AK3: variants seen among roughly 807,000 people sequenced by gnomAD.
AK3 encodes the protein adenylate kinase 3.
A neutral mutation model predicts 23.7 loss-of-function variants in AK3; 27 were observed. That is an observed-to-expected ratio of 1.14 (90% confidence interval 0.84 to 1.57). The LOEUF is 1.57. Ranked by LOEUF, AK3 falls within the 40% of genes most tolerant of loss-of-function variation. The probability of loss-of-function intolerance (pLI) is 0.00; values close to 1 mark genes in which losing one functional copy is unlikely to be tolerated. For missense variants in AK3, 406 were observed against 285.6 expected (o/e 1.42, Z -3.04); for synonymous variants, 159 against 116.0 (o/e 1.37, Z -2.38).
intron 1 of AK3, among the ~76,000 whole-genome samples, chr9:4,733,157 T>C (rs1842194027): frequency 1.3e-5 from 2 of 152,086 alleles, no homozygotes; most frequent in Non-Finnish European, 2.9e-5. Flanking sequence ...AGCAGTTCTC[T>C]TTCACATGTG....
At position 4,712,260 on chromosome 9, in the gene AK3, T is replaced by A. The variant is rs1356950958; in HGVS notation, c.*716A>T. ...GTGCTTGTAAAAGCACTTATGTCAA[T>A]TTTTGACACAAATCATAACCCTCAG... On this transcript the variant is annotated 3_prime_UTR_variant, in exon 5 of 5. Transcript: ENST00000381809. 6.6e-6 allele frequency: 1 copy of A among 152,188 alleles called. No homozygotes were observed. Among genetic ancestry groups the A allele is most frequent in the African/African-American group, 2.4e-5 (1 of 41,460 alleles). The allele number at this position is 152,188 out of a possible 1,614,324, so 9.4% of individuals were successfully genotyped here.
At chr9:4,725,861 G>A (rs550154437) in intron 1 of AK3, among the ~76,000 whole-genome samples, 3 of 152,074 alleles carry the variant, frequency 2.0e-5, no homozygotes, top group Non-Finnish European at 2.9e-5. Flanking sequence ...AAAACCACAA[G>A]GAGATACTAC....
intron 1 of AK3, among the ~76,000 whole-genome samples, chr9:4,732,035 G>A (rs1042293279): frequency 6.6e-6 from 1 of 152,036 alleles, no homozygotes; most frequent in African/African-American, 2.4e-5. Context: ...CTGCAGCCTC[G>A]ACGTGCTGGG....
chr9:4,734,901 A>G (rs1842234122), intron 1 of AK3, among the ~76,000 whole-genome samples: 2 of 152,194 alleles, frequency 1.3e-5, no homozygotes, highest in Non-Finnish European at 2.9e-5. Flanking sequence ...CCAGTCAGAA[A>G]AGACCACATA....
At chr9:4,721,955 G>A (rs532466458) in intron 2 of AK3, among the ~76,000 whole-genome samples, 15 of 152,340 alleles carry the variant, frequency 9.8e-5, no homozygotes, top group Non-Finnish European at 1.5e-4. Flanking sequence ...GCCTGTGTGC[G>A]AAGGTGGGTG....
At chr9:4,738,841 G>A (rs1420999022) in intron 1 of AK3, among the ~76,000 whole-genome samples, 1 of 143,326 alleles carries the variant, frequency 7.0e-6, no homozygotes, top group Non-Finnish European at 1.5e-5. Flanking sequence ...GCACAATCTC[G>A]GCTCATGACA....
At chr9:4,713,249 G>A (rs916541050) in intron 4 of AK3, among the ~76,000 whole-genome samples, 153 bp from the exon 5 acceptor site, 26 of 152,122 alleles carry the variant, frequency 1.7e-4, no homozygotes, top group African/African-American at 6.3e-4. Flanking sequence ...ACTTGGCTGG[G>A]CATTGGAAAA....
At chr9:4,732,051 G>C (rs1415673198) in intron 1 of AK3, among the ~76,000 whole-genome samples, 1 of 152,190 alleles carries the variant, frequency 6.6e-6, no homozygotes, top group Admixed American at 6.5e-5. Flanking sequence ...CTGGGTCCAA[G>C]TGATCCTCCC....
At chr9:4,735,812 T>C (rs1257776711) in intron 1 of AK3, among the ~76,000 whole-genome samples, 1 of 151,418 alleles carries the variant, frequency 6.6e-6, no homozygotes, top group Non-Finnish European at 1.5e-5. Context: ...AGAAAAAATA[T>C]ATTAATTTAA....
Position 4,713,063 on chromosome 9 carries a change from T to C in AK3, c.597A>G (p.Thr199=). 5 of 1,613,844 alleles carry C rather than the reference T, an allele frequency of 3.1e-6. No individual in the cohort carries two copies. The highest frequency in any genetic ancestry group is 4.2e-6 in the Non-Finnish European group (5 of 1,179,802). Residue 199 remains threonine (T), a synonymous_variant, in exon 5 of 5, where the codon ACA becomes ACG. Transcript: ENST00000381809. Reference sequence around the variant, plus strand: ...CATAGGGCCAAATCTTGTTGGTTTCTGTTCCGGAGAATGTTTCCAGCACCC... The same window carrying C: ...CATAGGGCCAAATCTTGTTGGTTTCCGTTCCGGAGAATGTTTCCAGCACCC... The part of the protein sequence containing the change: ...KKGVLETFSG[T]ETNKIWPYVY...
intron 1 of AK3, among the ~76,000 whole-genome samples, chr9:4,728,234 A>T (rs1210915959): frequency 6.6e-6 from 1 of 152,256 alleles, no homozygotes; most frequent in Non-Finnish European, 1.5e-5. Flanking sequence ...GTAAAAAAAG[A>T]TACAGTACCT....
chr9:4,728,481 G>A (rs1336549572), intron 1 of AK3, among the ~76,000 whole-genome samples: 9 of 152,176 alleles, frequency 5.9e-5, no homozygotes, highest in African/African-American at 1.4e-4. Context: ...TGAGGCAGGA[G>A]AAGTGCTTGA....
rs370723156 is a variant in AK3, at chr9:4,740,980, G to C, written c.108C>G (p.Leu36=). The stretch of plus-strand genomic sequence containing the variant: ...TGTCCCGGAGCAGGTCCCCGCTGGA[G>C]AGGTGCTTCAGCTCGAAGTGTGTAG... ...RITTHFELKH[L]SSGDLLRDNM... Residue 36 remains leucine (L), a synonymous_variant, in exon 1 of 5, where the codon CTC becomes CTG. Transcript: ENST00000381809. The C allele has an allele frequency of 3.1e-6, 5 of 1,589,350 alleles. No individual in the cohort carries two copies. Among genetic ancestry groups the C allele is most frequent in the Non-Finnish European group, 4.3e-6 (5 of 1,170,088 alleles).
In AK3 at chr9:4,718,543, C is replaced by T; in HGVS notation, c.445-6G>A. ...CCAGTCAGGTCATCAATGCCCTAAA[C>T]AGGATTAGAAGAGACTAGTATCAGA... On this transcript the variant is annotated splice_region_variant and splice_polypyrimidine_tract_variant and intron_variant, in intron 3 of 4. Coordinates refer to ENST00000381809, the MANE Select transcript of AK3 (RefSeq NM_016282.4). 6.3e-7 allele frequency: 1 copy of T among 1,591,664 alleles called. No individual in the cohort carries two copies. Among genetic ancestry groups the T allele is most frequent in the Non-Finnish European group, 8.6e-7 (1 of 1,159,918 alleles).
chr9:4,716,180 C>T (rs954677874), intron 4 of AK3, among the ~76,000 whole-genome samples: 1 of 152,166 alleles, frequency 6.6e-6, no homozygotes, highest in Non-Finnish European at 1.5e-5. Context: ...TTTTGCTTAA[C>T]CTGGTGTGAA....
chr9:4,733,096 G>A (rs148073902), intron 1 of AK3, among the ~76,000 whole-genome samples: 1,756 of 151,888 alleles, frequency 0.012, 28 homozygotes, highest in African/African-American at 0.04. Flanking sequence ...TGATCCTCCT[G>A]CCTTAGCCTC....
At chr9:4,737,104 GTTCTTTACTATATAGTTT>G (rs1307947045) in intron 1 of AK3, among the ~76,000 whole-genome samples, 1 of 151,766 alleles carries the variant, frequency 6.6e-6, no homozygotes, top group African/African-American at 2.4e-5. Flanking sequence ...TTACTATATA[GTTCTTTACTATATAGTTT>G]TTCTTTACTA....
chr9:4,721,580 T>C lies in AK3; in HGVS notation c.271+926A>G, dbSNP rs534445607. On this transcript the variant is annotated intron_variant, in intron 2 of 4. Coordinates refer to ENST00000381809, the MANE Select transcript of AK3 (RefSeq NM_016282.4). ...TTCAAGCAATTCCCCTGTCTCAGCC[T>C]CCCGAGTAGCTAGGGTTACAGGTGT... 1.2e-4 allele frequency among the ~76,000 whole-genome samples: 18 copies of C among 152,010 alleles called. No homozygotes were observed. The South Asian group carries it at 3.7e-3, about 32-fold the overall frequency.
intron 4 of AK3, among the ~76,000 whole-genome samples, chr9:4,714,129 C>CGCCTACACATAT (rs1841651070): frequency 3.3e-4 from 2 of 6,142 alleles, no homozygotes; most frequent in Non-Finnish European, 1.4e-3. Context: ...TCCACATATA[C>CGCCTACACATAT]ACACCTACAC....
Sources: allele counts gnomAD v4.1 joint callset (sites outside exome capture counted in the v4.1 genomes callset), GRCh38; gene constraint gnomAD v4.1.1; transcripts MANE v1.5; gene names NCBI Gene and HGNC (gene_info 2026-07-23, HGNC 2026-07-21).